The following MIGA1 variants were observed in gnomAD, a reference collection of about 807,000 sequenced individuals.
MIGA1 encodes the protein family with sequence similarity 73, member A.
In MIGA1, 58 loss-of-function variants were observed where a neutral mutation model predicts 82.0. The ratio of observed to expected loss-of-function variants is 0.71; its 90% CI spans 0.57 to 0.88. MIGA1 has a LOEUF of 0.88. Ranked by LOEUF, MIGA1 falls within the 40% of genes least tolerant of loss-of-function variation. The pLI is 0.00. For missense variants in MIGA1, 751 were observed against 749.1 expected (o/e 1.00, Z -0.03); for synonymous variants, 249 against 253.6 (o/e 0.98, Z 0.17).
At position 77,824,680 on chromosome 1, in the gene MIGA1, G is replaced by C. The variant is rs377140890; in HGVS notation, c.895+9449G>C. The stretch of plus-strand genomic sequence containing the variant: ...ACACAGATTTTATTATAATTATTGT[G>C]GTTTAAAAGTATGCCTGCAAAAAGA... On this transcript the variant is annotated intron_variant, in intron 7 of 15. Transcript: ENST00000370791. Among the ~76,000 whole-genome samples, 279 of 152,212 alleles carry C rather than the reference G, an allele frequency of 1.8e-3. 1 individual carries two copies. Among genetic ancestry groups the C allele is most frequent in the African/African-American group, 6.4e-3 (265 of 41,542 alleles).
In MIGA1 at chr1:77,803,341, G is replaced by A. The variant is rs755742016; in HGVS notation, c.445G>A (p.Val149Ile). The A allele has an allele frequency of 1.1e-5, 18 of 1,570,090 alleles. No homozygotes were observed. Among genetic ancestry groups the A allele is most frequent in the Non-Finnish European group, 1.4e-5 (16 of 1,155,588 alleles). The change falls in exon 4 of 16, where the codon GTT becomes ATT. Residue 149 changes from valine (V) to isoleucine (I), a missense_variant. Physicochemically the swap from Val to Ile is conservative, Grantham distance 29. This residue lies in a region of MIGA1 where 482 missense variants were observed against 439.4 expected (regional missense o/e 1.10). Transcript: ENST00000370791. ...TTCTACCAAAGACAAAGGATCTCAA[G>A]TTTGTAACTATGCTAATGGAGGACT...
intron 3 of MIGA1, among the ~76,000 whole-genome samples, 181 bp downstream of exon 3, chr1:77,801,689 T>G (rs1283442539): frequency 6.6e-6 from 1 of 152,220 alleles, no homozygotes; most frequent in African/African-American, 2.4e-5. Flanking sequence ...TTAAAATTAC[T>G]TGACATTCTG....
intron 8 of MIGA1, chr1:77,853,671 C>T: frequency 4.4e-6 from 1 of 227,596 alleles, no homozygotes; most frequent in South Asian, 6.0e-5. Flanking sequence ...CTGACAAAAA[C>T]AAACAAAAAC....
At chr1:77,823,320 C>T (rs949623207) in intron 7 of MIGA1, among the ~76,000 whole-genome samples, 1 of 151,776 alleles carries the variant, frequency 6.6e-6, no homozygotes, top group African/African-American at 2.4e-5. Flanking sequence ...TTTTGAAAAA[C>T]ATATAGTATG....
chr1:77,820,454 T>C (rs1374106792), intron 7 of MIGA1, among the ~76,000 whole-genome samples: 1 of 152,184 alleles, frequency 6.6e-6, no homozygotes, highest in African/African-American at 2.4e-5. Flanking sequence ...TGGCTTCCTC[T>C]TCTGAAAAAT....
chr1:77,825,254 C>A (rs1683986915), intron 7 of MIGA1, among the ~76,000 whole-genome samples: 1 of 152,132 alleles, frequency 6.6e-6, no homozygotes, highest in South Asian at 2.1e-4. Context: ...GATCTGCCCG[C>A]CTCAGCCTCC....
intron 7 of MIGA1, among the ~76,000 whole-genome samples, chr1:77,818,488 T>G (rs1490023056): frequency 6.6e-6 from 1 of 152,068 alleles, no homozygotes; most frequent in Admixed American, 6.6e-5. Flanking sequence ...GTACGTGAAG[T>G]GCTTAACAAA....
At position 77,875,400 on chromosome 1, in the gene MIGA1, T is replaced by TA. The variant is rs1284566823; in HGVS notation, c.*337dup. On this transcript the variant is annotated 3_prime_UTR_variant, in exon 16 of 16. Coordinates refer to ENST00000370791, the MANE Select transcript of MIGA1 (RefSeq NM_198549.4). ...CTGTCATTCTCAAAAGCTCTGTTTT[T>TA]ATGCTTTGCACCTTTAAAATGTACA... 1 of 220,810 alleles carries TA rather than the reference T, an allele frequency of 4.5e-6. No individual in the cohort carries two copies. Among genetic ancestry groups the TA allele is most frequent in the African/African-American group, 2.3e-5 (1 of 42,986 alleles). 13.7% of individuals were successfully genotyped at this position (220,810 alleles called of 1,614,324 possible).
At chr1:77,818,344 A>G (rs10873954) in intron 7 of MIGA1, among the ~76,000 whole-genome samples, 89,255 of 151,540 alleles carry the variant, frequency 0.59, 28,350 homozygotes, top group Non-Finnish European at 0.71. Flanking sequence ...GCTGGTCTCG[A>G]ACTCCTGACC....
rs375780186 is a variant in MIGA1 at position 77,806,941 on chromosome 1, G to A, written c.511-34G>A. The A allele has an allele frequency of 1.4e-5, 21 of 1,547,434 alleles. No individual in the cohort carries two copies. In the African/African-American group the frequency reaches 2.9e-4, roughly 21 times the overall value. ...GATCACAACATACTATCATGAGAGA[G>A]ATTTGAAGTAACTTCTATCCATCTT... On this transcript the variant is annotated intron_variant, in intron 4 of 15. Coordinates refer to ENST00000370791, the MANE Select transcript of MIGA1 (RefSeq NM_198549.4).
chr1:77,828,173 T>A (rs1230381823), intron 7 of MIGA1, among the ~76,000 whole-genome samples: 2 of 152,244 alleles, frequency 1.3e-5, no homozygotes, highest in African/African-American at 2.4e-5. Flanking sequence ...CAGTGTGTTA[T>A]GCTAAACCTT....
At chr1:77,837,835 T>C (rs1374485097) in intron 7 of MIGA1, among the ~76,000 whole-genome samples, 1 of 152,206 alleles carries the variant, frequency 6.6e-6, no homozygotes, top group African/African-American at 2.4e-5. Flanking sequence ...CATTATACAC[T>C]ACTACTATTG....
Position 77,824,387 on chromosome 1 carries a change from TC to T in MIGA1, c.895+9160del, listed in dbSNP as rs1178416844. 2.0e-5 allele frequency among the ~76,000 whole-genome samples: 3 copies of T among 151,926 alleles called. No individual in the cohort carries two copies. In the East Asian group the frequency reaches 5.8e-4, roughly 29 times the overall value. ...ACCCAGTCTGGACAACATAGCGAGA[TC>T]CCCGTCTCTATAAAAAAATTTAAGC... On this transcript the variant is annotated intron_variant, in intron 7 of 15. Transcript: ENST00000370791.
chr1:77,814,564 GA>G (rs1371974022), intron 6 of MIGA1, among the ~76,000 whole-genome samples: 2 of 152,098 alleles, frequency 1.3e-5, no homozygotes, highest in Non-Finnish European at 2.9e-5. Flanking sequence ...GTCTGGCTTG[GA>G]ATTTTTTAAA....
chr1:77,823,084 T>C (rs1412055688), intron 7 of MIGA1, among the ~76,000 whole-genome samples: 1 of 151,992 alleles, frequency 6.6e-6, no homozygotes, highest in Non-Finnish European at 1.5e-5. Context: ...CTCGTGATCC[T>C]CCCGCCTCGG....
At chr1:77,787,558 T>C (rs1682221909) in intron 2 of MIGA1, among the ~76,000 whole-genome samples, 1 of 151,616 alleles carries the variant, frequency 6.6e-6, no homozygotes, top group Non-Finnish European at 1.5e-5. Context: ...CTGGCTAATT[T>C]TTGTATTTTT....
chr1:77,854,336 A>G (rs943705106), intron 8 of MIGA1, among the ~76,000 whole-genome samples: 1 of 152,172 alleles, frequency 6.6e-6, no homozygotes, highest in Non-Finnish European at 1.5e-5. Context: ...CAATTTTGCT[A>G]TTGTGAACTG....
intron 14 of MIGA1, among the ~76,000 whole-genome samples, chr1:77,870,299 C>T (rs755053393): frequency 0.026 from 2,951 of 114,528 alleles, 5 homozygotes; most frequent in Middle Eastern, 0.049. Flanking sequence ...GGGTGGCTGC[C>T]GGACGGAGGG....
chr1:77,826,966 A>C (rs766710270), intron 7 of MIGA1, among the ~76,000 whole-genome samples: 44 of 151,154 alleles, frequency 2.9e-4, no homozygotes, highest in Non-Finnish European at 6.0e-4. Context: ...CAGCACGCCC[A>C]GCTAATTTTT....
Sources: gnomAD v4.1 joint callset for allele counts (sites outside exome capture counted in the v4.1 genomes callset) on GRCh38, gnomAD v4.1.1 for gene constraint, gnomAD v4.1.1 regional missense constraint, MANE v1.5 for transcripts, NCBI Gene and HGNC (gene_info 2026-07-23, HGNC 2026-07-21) for gene names.